Variants in SYNE1 observed in about 807,000 individuals in gnomAD.
The protein encoded by SYNE1 is spectrin repeat containing nuclear envelope protein 1.
SYNE1 carries 616 observed loss-of-function variants against 1,111.0 expected under a neutral mutation model. The observed-to-expected ratio is 0.55, with a 90% CI of 0.52 to 0.59. The LOEUF is 0.59. Ranked by LOEUF, SYNE1 falls within the 20% of genes least tolerant of loss-of-function variation. SYNE1 has a pLI of 0.00. For missense variants in SYNE1, 10,006 were observed against 10,417.0 expected (o/e 0.96, Z 1.72); for synonymous variants, 3,855 against 3,825.8 (o/e 1.01, Z -0.28).
chr6:152,381,587 C>T, intron 55 of SYNE1: 1 of 590,740 alleles, frequency 1.7e-6, no homozygotes, highest in South Asian at 2.0e-5. Context: ...TCCTCAATAT[C>T]CTGAAACAGA....
At chr6:152,390,559 C>G in intron 52 of SYNE1, 107 bp from the exon 53 acceptor site, 1 of 1,177,242 alleles carries the variant, frequency 8.5e-7, no homozygotes, top group East Asian at 2.5e-5. Flanking sequence ...CTTTACTTAC[C>G]TTAAAATGAA....
At position 152,329,836 on chromosome 6, in the gene SYNE1, T is replaced by A. The variant is rs752468676; in HGVS notation, c.14849A>T (p.Glu4950Val). 5.6e-6 allele frequency: 9 copies of A among 1,614,056 alleles called. No homozygotes were observed. The South Asian group carries it at 9.9e-5, about 18-fold the overall frequency. ...IMNALSHKEK[E>V]KFTKAKELIS... ...CAGCTCCTTGGCCTTTGTGAACTTCTCCTTTTCCTTGTGACTCAGCGCATT... is the reference window on the plus strand; with the variant it reads ...CAGCTCCTTGGCCTTTGTGAACTTCACCTTTTCCTTGTGACTCAGCGCATT... Residue 4950 changes from glutamate to valine, a missense_variant, in exon 78 of 146, where the codon GAG (glutamate) becomes GTG (valine). By Grantham distance (121) the Glu-to-Val change is moderately radical (BLOSUM62 -2). This residue lies in a region of SYNE1 where 4,955 missense variants were observed against 5,017.2 expected (regional missense o/e 0.99). Coordinates refer to ENST00000367255, the MANE Select transcript of SYNE1 (RefSeq NM_182961.4).
In SYNE1 at chr6:152,255,754, A is replaced by G; in HGVS notation, c.19105-8T>C. 1 of 1,614,208 alleles carries G rather than the reference A, an allele frequency of 6.2e-7. No homozygotes were observed. Among genetic ancestry groups the G allele is most frequent in the Non-Finnish European group, 8.5e-7 (1 of 1,180,008 alleles). ...CCTCTTTGCCCCTCCACTCTGGGAA[A>G]CACAAAACAGGGTCAAATAATCAAT... On this transcript the variant is annotated splice_region_variant and splice_polypyrimidine_tract_variant and intron_variant, in intron 102 of 145. Coordinates refer to ENST00000367255, the MANE Select transcript of SYNE1 (RefSeq NM_182961.4).
In SYNE1 at chr6:152,409,821, G is replaced by A. The variant is rs76358023; in HGVS notation, c.6231-112C>T. On this transcript the variant is annotated intron_variant, in intron 42 of 145. Transcript: ENST00000367255. ...CGTAAAGGTATTAATACTCATAGACGGATTCCTACATACTGTCCTCAAACT... is the reference window on the plus strand; with the variant it reads ...CGTAAAGGTATTAATACTCATAGACAGATTCCTACATACTGTCCTCAAACT... 24,671 of 1,131,738 alleles carry A rather than the reference G, an allele frequency of 0.022. 395 individuals are homozygous for A. Among genetic ancestry groups the A allele is most frequent in the African/African-American group, 0.056 (3,638 of 65,262 alleles). 70.1% of individuals were successfully genotyped at this position (1,131,738 alleles called of 1,614,324 possible). A position where few individuals can be genotyped will look rare whatever the true frequency, so the allele number is the denominator to read the frequency against.
At chr6:152,452,942 T>C (rs1362524229) in intron 25 of SYNE1, among the ~76,000 whole-genome samples, 1 of 152,272 alleles carries the variant, frequency 6.6e-6, no homozygotes, top group Non-Finnish European at 1.5e-5. Flanking sequence ...TGTAAAGTTC[T>C]GGCTCAAAAC....
intron 11 of SYNE1, among the ~76,000 whole-genome samples, chr6:152,493,616 C>A (rs143008173): frequency 1.3e-5 from 2 of 152,282 alleles, no homozygotes; most frequent in African/African-American, 2.4e-5. Context: ...AACAGGACAT[C>A]CTCCTGCTCC....
intron 3 of SYNE1, among the ~76,000 whole-genome samples, chr6:152,554,568 GT>G (rs1184832419): frequency 6.6e-6 from 1 of 152,056 alleles, no homozygotes; most frequent in East Asian, 1.9e-4. Flanking sequence ...TTTTTTATCA[GT>G]TTCTTACTAA....
At chr6:152,133,147 G>GC in intron 143 of SYNE1, 129 bp downstream of exon 143, 1 of 875,136 alleles carries the variant, frequency 1.1e-6, no homozygotes, top group South Asian at 1.4e-5. Flanking sequence ...ACTTGTAAGA[G>GC]CAGTGGCTGA....
At chr6:152,411,717 A>C (rs191210756) in intron 42 of SYNE1, among the ~76,000 whole-genome samples, 140 of 117,816 alleles carry the variant, frequency 1.2e-3, no homozygotes, top group Non-Finnish European at 2.1e-3. Context: ...AGTCACACAC[A>C]CACACACACA....
chr6:152,344,147 A>G lies in SYNE1; in HGVS notation c.12159T>C (p.Ser4053=), dbSNP rs373524203. Residue 4053 remains serine, a synonymous_variant, in exon 74 of 146, where the codon TCT becomes TCC. Coordinates refer to ENST00000367255, the MANE Select transcript of SYNE1 (RefSeq NM_182961.4). ...DTLQQCQAWL[S]AVQPDLEPSP... ...TTGGCTCTAAATCCGGCTGGACTGC[A>G]GAAAGCCAGGCCTGGCACTGCTGCA... 1 of 1,614,254 alleles carries G rather than the reference A, an allele frequency of 6.2e-7. No homozygotes were observed. The highest frequency in any genetic ancestry group is 1.7e-5 in the Admixed American group (1 of 60,032).
Position 152,321,766 on chromosome 6 carries a change from T to C in SYNE1, c.16038A>G (p.Leu5346=), listed in dbSNP as rs192936944. 114 of 1,614,076 alleles carry C rather than the reference T, an allele frequency of 7.1e-5. 1 individual carries two copies. In the East Asian group the frequency reaches 2.3e-3, roughly 32 times the overall value. The change falls in exon 83 of 146, where the codon TTA becomes TTG. Residue 5346 remains leucine, a synonymous_variant. Coordinates refer to ENST00000367255, the MANE Select transcript of SYNE1 (RefSeq NM_182961.4). ...KCWVQETKEY[L]GNPTIEIDAQ... is the part of the protein sequence containing the mutation. Reference sequence around the variant, plus strand: ...CATCTATTTCTATTGTTGGATTCCCTAAATATTCTTTCGTTTCCTGAACCC... The same window carrying C: ...CATCTATTTCTATTGTTGGATTCCCCAAATATTCTTTCGTTTCCTGAACCC...
chr6:152,568,111 A>G (rs2099422377), intron 3 of SYNE1, among the ~76,000 whole-genome samples: 1 of 152,216 alleles, frequency 6.6e-6, no homozygotes, highest in South Asian at 2.1e-4. Context: ...CTGAAAATAT[A>G]GTAAATATGC....
At chr6:152,568,275 T>C (rs574787998) in intron 3 of SYNE1, among the ~76,000 whole-genome samples, 1 of 146,492 alleles carries the variant, frequency 6.8e-6, no homozygotes, top group East Asian at 2.1e-4. Flanking sequence ...GTTAAATTTT[T>C]ATTTTATTTT....
chr6:152,220,726 AT>A, intron 119 of SYNE1, 115 bp downstream of exon 119: 1 of 951,274 alleles, frequency 1.1e-6, no homozygotes, highest in Non-Finnish European at 1.7e-6. Flanking sequence ...TAAGACAGTT[AT>A]TTTTGGGTAA....
Position 152,367,284 on chromosome 6 carries a change from C to T in SYNE1, c.9906G>A (p.Met3302Ile). ...LQDWMTDAIH[M>I]LDSYCHPTSD... ...ATGTCGGGTGGCAGTATGAATCCAG[C>T]ATGTGAATCGCATCCGTCATCCAGT... is the stretch of plus-strand genomic sequence containing the variant. The change falls in exon 62 of 146, where the codon ATG becomes ATA. Residue 3302 changes from methionine to isoleucine, a missense_variant. Around this residue, in one of 7 missense-constraint regions of SYNE1, gnomAD observed 4,955 missense variants for 5,017.2 expected, o/e 0.99. Transcript: ENST00000367255. 1 of 1,614,234 alleles carries T rather than the reference C, an allele frequency of 6.2e-7. No homozygotes were observed. The highest frequency in any genetic ancestry group is 8.5e-7 in the Non-Finnish European group (1 of 1,180,046).
In SYNE1 at chr6:152,353,766, G is replaced by A. The variant is rs758847820; in HGVS notation, c.10927-22C>T. 22 of 1,612,944 alleles carry A rather than the reference G, an allele frequency of 1.4e-5. No individual in the cohort carries two copies. The East Asian group carries it at 1.6e-4, about 11-fold the overall frequency. On this transcript the variant is annotated intron_variant, in intron 67 of 145. Coordinates refer to ENST00000367255, the MANE Select transcript of SYNE1 (RefSeq NM_182961.4). ...ACTTCTGAAATGACAAAGTATCGAAGGGAAAGATTCAATCTTAGCCATTCG... is the reference window on the plus strand; with the variant it reads ...ACTTCTGAAATGACAAAGTATCGAAAGGAAAGATTCAATCTTAGCCATTCG...
rs181982951 is a variant in SYNE1, at chr6:152,604,444, A to C, written c.67+23821T>G. The stretch of plus-strand genomic sequence containing the variant: ...CAGCCTCCCAAGTAGCTGGGATTAC[A>C]GGGTGTGCACCACCTCATCTGGCTA... On this transcript the variant is annotated intron_variant, in intron 3 of 145. Coordinates refer to ENST00000367255, the MANE Select transcript of SYNE1 (RefSeq NM_182961.4). Among the ~76,000 whole-genome samples, 4 of 152,110 alleles carry C rather than the reference A, an allele frequency of 2.6e-5. No homozygotes were observed. The East Asian group carries it at 7.8e-4, about 29-fold the overall frequency.
Position 152,180,236 on chromosome 6 carries a change from T to C in SYNE1, c.23360A>G (p.Glu7787Gly). The C allele has an allele frequency of 6.2e-7, 1 of 1,614,158 alleles. No individual in the cohort carries two copies. The change falls in exon 129 of 146, where the codon GAA becomes GGA. Residue 7787 changes from glutamate (E) to glycine (G), a missense_variant. Transcript: ENST00000367255. ...ERLNEWAVFS[E>G]KNKELCEWLT... ...CCACTCACAGAGTTCCTTGTTCTTT[T>C]CACTGAAGACTGCCCATTCATTCAA...
At chr6:152,333,397 T>G (rs544344663) in intron 77 of SYNE1, among the ~76,000 whole-genome samples, 1 of 152,266 alleles carries the variant, frequency 6.6e-6, no homozygotes, top group African/African-American at 2.4e-5. Context: ...TTTCATGAAT[T>G]CATAGATGAT....
Sources: gnomAD v4.1 joint callset for allele counts (sites outside exome capture counted in the v4.1 genomes callset) on GRCh38, gnomAD v4.1.1 for gene constraint, gnomAD v4.1.1 regional missense constraint, MANE v1.5 for transcripts, NCBI Gene and HGNC (gene_info 2026-07-23, HGNC 2026-07-21) for gene names.